The following LNX2 variants were observed in gnomAD, a reference collection of about 807,000 sequenced individuals.
LNX2 encodes the protein ligand of numb-protein X 2.
Under a neutral mutation model 66.2 loss-of-function variants are expected in LNX2, and 35 were observed. The ratio of observed to expected loss-of-function variants is 0.53; its 90% CI spans 0.40 to 0.70. The LOEUF is 0.70. Among genes scored for constraint, LNX2 ranks in the 30% least tolerant of loss-of-function variants. The pLI is 0.00. For missense variants in LNX2, 791 were observed against 850.8 expected (o/e 0.93, Z 0.87); for synonymous variants, 337 against 315.6 (o/e 1.07, Z -0.72).
intron 1 of LNX2, among the ~76,000 whole-genome samples, chr13:27,590,518 C>T (rs1386657639): frequency 6.6e-6 from 1 of 152,092 alleles, no homozygotes; most frequent in Non-Finnish European, 1.5e-5. Context: ...CGTCAGCCAC[C>T]ATCCCCAGCC....
chr13:27,558,367 T>C (rs1287001991), intron 6 of LNX2, among the ~76,000 whole-genome samples: 1 of 151,996 alleles, frequency 6.6e-6, no homozygotes, highest in African/African-American at 2.4e-5. Flanking sequence ...ATTTAGAACA[T>C]TGTCATATAA....
intron 8 of LNX2, among the ~76,000 whole-genome samples, 169 bp from the exon 9 acceptor site, chr13:27,550,660 C>T (rs1954997483): frequency 6.6e-6 from 1 of 151,996 alleles, no homozygotes; most frequent in African/African-American, 2.4e-5. Flanking sequence ...AGACACAGTC[C>T]TAGGTAGACT....
intron 1 of LNX2, among the ~76,000 whole-genome samples, chr13:27,603,000 CTT>C (rs967283247): frequency 6.6e-6 from 1 of 151,996 alleles, no homozygotes; most frequent in Admixed American, 6.5e-5. Context: ...TTATATATAA[CTT>C]TAAACTTTTT....
chr13:27,573,782 A>G (rs1231227874), intron 2 of LNX2, among the ~76,000 whole-genome samples: 1 of 152,188 alleles, frequency 6.6e-6, no homozygotes, highest in East Asian at 1.9e-4. Context: ...CACATAGCAA[A>G]CAAACAAACA....
At chr13:27,604,295 T>C (rs1955691239) in intron 1 of LNX2, among the ~76,000 whole-genome samples, 1 of 152,246 alleles carries the variant, frequency 6.6e-6, no homozygotes, top group Non-Finnish European at 1.5e-5. Flanking sequence ...TATGCTATGG[T>C]ACCCTCTCAG....
chr13:27,580,743 TA>T (rs1955388148), intron 2 of LNX2, among the ~76,000 whole-genome samples: 1 of 152,192 alleles, frequency 6.6e-6, no homozygotes, highest in African/African-American at 2.4e-5. Context: ...ATAATGTATT[TA>T]TTTCCATATT....
At chr13:27,574,961 A>C (rs1255126720) in intron 2 of LNX2, among the ~76,000 whole-genome samples, 1 of 152,230 alleles carries the variant, frequency 6.6e-6, no homozygotes, top group Non-Finnish European at 1.5e-5. Flanking sequence ...CTCAACCAGG[A>C]AGTCTATATC....
intron 1 of LNX2, among the ~76,000 whole-genome samples, chr13:27,594,640 T>A (rs1256395719): frequency 2.0e-5 from 3 of 152,308 alleles, no homozygotes; most frequent in African/African-American, 4.8e-5. Flanking sequence ...TTACAGTATA[T>A]CTGCCTCACA....
intron 3 of LNX2, 96 bp from the exon 4 acceptor site, chr13:27,567,935 C>A: frequency 1.1e-6 from 1 of 928,406 alleles, no homozygotes; most frequent in Non-Finnish European, 1.7e-6. Flanking sequence ...AAGTATGTCA[C>A]ATTAATACAT....
intron 2 of LNX2, among the ~76,000 whole-genome samples, chr13:27,578,628 C>A (rs906959257): frequency 6.6e-6 from 1 of 152,208 alleles, no homozygotes; most frequent in Non-Finnish European, 1.5e-5. Context: ...CTACTAGACA[C>A]TGAACCACTT....
intron 1 of LNX2, among the ~76,000 whole-genome samples, chr13:27,594,299 T>G (rs1448670231): frequency 6.6e-6 from 1 of 152,210 alleles, no homozygotes; most frequent in Admixed American, 6.5e-5. Context: ...TGAATTGTAC[T>G]GTTTTTCTTA....
At chr13:27,585,200 T>C (rs966033761) in intron 1 of LNX2, among the ~76,000 whole-genome samples, 2 of 149,242 alleles carry the variant, frequency 1.3e-5, no homozygotes, top group East Asian at 2.0e-4. Flanking sequence ...CTGAGGCGGG[T>C]GGATCACGAG....
intron 1 of LNX2, among the ~76,000 whole-genome samples, chr13:27,604,159 T>C (rs1190092075): frequency 1.3e-5 from 2 of 152,198 alleles, no homozygotes; most frequent in African/African-American, 2.4e-5. Context: ...GGCAGGAGAA[T>C]GGCGTGAACC....
chr13:27,607,588 A>G lies in LNX2; in HGVS notation c.-101+12787T>C, dbSNP rs149632128. On this transcript the variant is annotated intron_variant, in intron 1 of 9. Coordinates refer to ENST00000316334, the MANE Select transcript of LNX2 (RefSeq NM_153371.4). ...TAGGGTTTTGTTTTTCTTAATTGAGAACATACAAACATAAAGCACTGTTGA... is the reference window on the plus strand; with the variant it reads ...TAGGGTTTTGTTTTTCTTAATTGAGGACATACAAACATAAAGCACTGTTGA... Among the ~76,000 whole-genome samples, 79 of 152,336 alleles carry G rather than the reference A, an allele frequency of 5.2e-4. 2 individuals are homozygous for G. The East Asian group carries it at 0.011, about 20-fold the overall frequency.
intron 2 of LNX2, among the ~76,000 whole-genome samples, chr13:27,571,200 G>A (rs1955275629): frequency 6.6e-6 from 1 of 152,152 alleles, no homozygotes; most frequent in African/African-American, 2.4e-5. Flanking sequence ...TAGACAGAAG[G>A]AGATTATGAG....
intron 1 of LNX2, among the ~76,000 whole-genome samples, chr13:27,585,709 G>A (rs1263606025): frequency 6.6e-6 from 1 of 151,638 alleles, no homozygotes; most frequent in Non-Finnish European, 1.5e-5. Context: ...CCAATAGCAA[G>A]AATTACCAAT....
In LNX2 at chr13:27,547,140, T is replaced by G. The variant is rs560169441; in HGVS notation, c.*1195A>C. The G allele has an allele frequency of 6.6e-6, 1 of 152,330 alleles. No homozygotes were observed. Among genetic ancestry groups the G allele is most frequent in the African/African-American group, 2.4e-5 (1 of 41,580 alleles). 9.4% of individuals were successfully genotyped at this position (152,330 alleles called of 1,614,324 possible). A position where few individuals can be genotyped will look rare whatever the true frequency, so the allele number is the denominator to read the frequency against. ...CTACTTAGCTGTGATATATAGGTAT[T>G]TAATAATATGGTTTTATCTTTATCA... On this transcript the variant is annotated 3_prime_UTR_variant, in exon 10 of 10. Transcript: ENST00000316334.
At chr13:27,605,947 T>C (rs1044081675) in intron 1 of LNX2, among the ~76,000 whole-genome samples, 7 of 152,130 alleles carry the variant, frequency 4.6e-5, no homozygotes, top group African/African-American at 1.7e-4. Context: ...CATATTCTAA[T>C]TGAACTCAAG....
rs1024965029 is a variant in LNX2 at position 27,559,041 on chromosome 13, T to C, written c.1368+801A>G. The stretch of plus-strand genomic sequence containing the variant: ...ACATTTAGCTTTTATTTTTGCATAA[T>C]TGGGTAAGCATAACATCATTGTTTT... On this transcript the variant is annotated intron_variant, in intron 6 of 9. Coordinates refer to ENST00000316334, the MANE Select transcript of LNX2 (RefSeq NM_153371.4). Among the ~76,000 whole-genome samples the C allele has an allele frequency of 3.5e-4, 54 of 152,268 alleles. 1 individual carries two copies. The highest frequency in any genetic ancestry group is 1.2e-3 in the African/African-American group (48 of 41,580).
Sources: allele counts gnomAD v4.1 joint callset (sites outside exome capture counted in the v4.1 genomes callset), GRCh38; gene constraint gnomAD v4.1.1; transcripts MANE v1.5; gene names NCBI Gene and HGNC (gene_info 2026-07-23, HGNC 2026-07-21).